USF3: variants seen among roughly 807,000 people sequenced by gnomAD.
USF3 encodes upstream transcription factor family member 3, also known as basic helix-loop-helix domain-containing protein USF3.
USF3 carries 29 observed loss-of-function variants against 157.5 expected under a neutral mutation model. The ratio of observed to expected loss-of-function variants is 0.18; its 90% CI spans 0.14 to 0.25. The LOEUF (loss-of-function observed/expected upper bound fraction) is 0.25, where lower values mean the gene tolerates loss of function less well. USF3 is among the 10% of genes least tolerant of loss of function. USF3 has a pLI of 1.00. For missense variants in USF3, 2,381 were observed against 2,667.6 expected, an observed-to-expected ratio of 0.89 and a Z score of 2.37; for synonymous variants, 893 against 941.4, an observed-to-expected ratio of 0.95 and a Z score of 0.94.
intron 1 of USF3, among the ~76,000 whole-genome samples, chr3:113,681,007 C>T (rs912739860): frequency 3.9e-5 from 6 of 152,038 alleles, no homozygotes; most frequent in African/African-American, 7.2e-5. Context: ...GATAGACTCT[C>T]ACTCTGTCAC....
intron 1 of USF3, among the ~76,000 whole-genome samples, chr3:113,694,094 A>G (rs1707750207): frequency 2.0e-5 from 3 of 152,270 alleles, no homozygotes; most frequent in Admixed American, 1.3e-4. Flanking sequence ...TGGCCTGGGC[A>G]TTAAAACTTA....
chr3:113,670,324 CGTGA>C lies in USF3; in HGVS notation c.77-125_77-122del, dbSNP rs1285744654. 1.5e-5 allele frequency: 10 copies of C among 676,094 alleles called. No individual in the cohort carries two copies. In the African/African-American group the frequency reaches 1.8e-4, roughly 12 times the overall value. The allele number at this position is 676,094 out of a possible 1,614,324, so 41.9% of individuals were successfully genotyped here. A position where few individuals can be genotyped will look rare whatever the true frequency, so the allele number is the denominator to read the frequency against. ...TAAGAAATGCTTATCAATGGCCAGG[CGTGA>C]TGGTTCACACCTGCAAACCCAGCAT... On this transcript the variant is annotated intron_variant, in intron 4 of 6. Coordinates refer to ENST00000316407, the MANE Select transcript of USF3 (RefSeq NM_001009899.4).
chr3:113,686,362 G>A (rs1427122189), intron 1 of USF3, among the ~76,000 whole-genome samples: 1 of 152,188 alleles, frequency 6.6e-6, no homozygotes, highest in Non-Finnish European at 1.5e-5. Context: ...AGGGGGGAAG[G>A]GTGGTGTAGG....
At position 113,673,371 on chromosome 3, in the gene USF3, T is replaced by C; in HGVS notation, c.53A>G (p.Lys18Arg). ...ACCTGCATTGTGTGTCTCCCGGTTT[T>C]TCTTTCTGAAACAAAAAGTACAGAT... ...ETPTKKQHRK[K>R]NRETHNAVER... Residue 18 changes from lysine to arginine, a missense_variant, in exon 4 of 7, where the codon AAA (lysine) becomes AGA (arginine). Around this residue, in one of 6 missense-constraint regions of USF3, gnomAD observed 105 missense variants for 158.6 expected, o/e 0.66. Transcript: ENST00000316407. 6.2e-7 allele frequency: 1 copy of C among 1,600,136 alleles called. No homozygotes were observed. The highest frequency in any genetic ancestry group is 8.6e-7 in the Non-Finnish European group (1 of 1,169,396).
At chr3:113,678,976 G>C (rs1707346004) in intron 1 of USF3, among the ~76,000 whole-genome samples, 1 of 151,534 alleles carries the variant, frequency 6.6e-6, no homozygotes, top group Non-Finnish European at 1.5e-5. Context: ...CTCTGTCTTA[G>C]AGATGGGATC....
Position 113,658,635 on chromosome 3 carries a change from T to C in USF3, c.3047A>G (p.Asn1016Ser). The C allele has an allele frequency of 2.8e-6, 3 of 1,085,368 alleles. No individual in the cohort carries two copies. Among genetic ancestry groups the C allele is most frequent in the Admixed American group, 2.2e-5 (1 of 46,292 alleles). 67.2% of individuals were successfully genotyped at this position (1,085,368 alleles called of 1,614,324 possible). Residue 1016 changes from asparagine (N) to serine (S), a missense_variant, in exon 7 of 7, where the codon AAC (asparagine) becomes AGC (serine). Around this residue, in one of 6 missense-constraint regions of USF3, gnomAD observed 1,435 missense variants for 1,550.9 expected, o/e 0.93. Coordinates refer to ENST00000316407, the MANE Select transcript of USF3 (RefSeq NM_001009899.4). ...TLLSDLAKKK[N>S]PQKSSLSDQM... is the part of the protein sequence containing the mutation. ...ATCAGAAAGAGATGATTTCTGAGGG[T>C]TTTTTTTTTTAGCAAGATCAGATAG...
intron 5 of USF3, among the ~76,000 whole-genome samples, chr3:113,665,659 C>T (rs1309939691): frequency 6.6e-6 from 1 of 151,652 alleles, no homozygotes; most frequent in African/African-American, 2.4e-5. Flanking sequence ...AATCCCGTCT[C>T]TATCAAAATT....
At chr3:113,693,565 G>A (rs541727085) in intron 1 of USF3, among the ~76,000 whole-genome samples, 134 of 152,284 alleles carry the variant, frequency 8.8e-4, no homozygotes, top group African/African-American at 3.1e-3. Flanking sequence ...TATGGTTGCA[G>A]GAAGAGTCAG....
At position 113,654,153 on chromosome 3, in the gene USF3, T is replaced by G. The variant is rs1449666447; in HGVS notation, c.*791A>C. 2 of 152,680 alleles carry G rather than the reference T, an allele frequency of 1.3e-5. No homozygotes were observed. Among genetic ancestry groups the G allele is most frequent in the East Asian group, 1.9e-4 (1 of 5,202 alleles). 9.5% of individuals were successfully genotyped at this position (152,680 alleles called of 1,614,324 possible). ...TGCAAAACTCCACAATACAACTAAC[T>G]GCTTTTACCCTTATGACCCGATGCA... On this transcript the variant is annotated 3_prime_UTR_variant, in exon 7 of 7. Transcript: ENST00000316407.
rs776122145 is a variant in USF3, at chr3:113,657,294, TGC to T, written c.4386_4387del (p.Gln1463AlafsTer45). 2 of 1,486,102 alleles carry T rather than the reference TGC, an allele frequency of 1.3e-6. No homozygotes were observed. Among genetic ancestry groups the T allele is most frequent in the Admixed American group, 1.8e-5 (1 of 54,538 alleles). The allele number at this position is 1,486,102 out of a possible 1,614,324, so 92.1% of individuals were successfully genotyped here. On this transcript the variant is annotated frameshift_variant, in exon 7 of 7. Transcript: ENST00000316407. LOFTEE classifies it high-confidence loss of function. ...CTGCTGCTGCTGCTGCTGCTGCTGC[TGC>T]TGCTTTATGTAGAGATGGTTACTAT...
rs1947427105 is a variant in USF3, at chr3:113,659,071, T to C, written c.2611A>G (p.Ser871Gly). ...VSASHSLGVL[S>G]SESLIPESVS... ...GACTCAGGTATTAATGATTCAGAGC[T>C]TAGAACACCCAAAGAATGTGAAGCA... Residue 871 changes from serine to glycine, a missense_variant, in exon 7 of 7, where the codon AGC (serine) becomes GGC (glycine). Physicochemically the swap from Ser to Gly is moderately conservative, Grantham distance 56 (BLOSUM62 0). Transcript: ENST00000316407. The C allele has an allele frequency of 1.2e-6, 2 of 1,614,014 alleles. No individual in the cohort carries two copies. The highest frequency in any genetic ancestry group is 2.2e-5 in the South Asian group (2 of 91,084).
intron 1 of USF3, among the ~76,000 whole-genome samples, chr3:113,692,760 T>C (rs1295132962): frequency 1.3e-5 from 2 of 152,234 alleles, no homozygotes; most frequent in Non-Finnish European, 2.9e-5. Context: ...CATGTCCTAC[T>C]GATCTAATTA....
intron 3 of USF3, among the ~76,000 whole-genome samples, chr3:113,674,563 G>A (rs146062523): frequency 0.014 from 2,184 of 152,186 alleles, 54 homozygotes; most frequent in African/African-American, 0.05. Context: ...GGCTGGTCTT[G>A]AACTCCTGAC....
chr3:113,684,236 G>A (rs992915193), intron 1 of USF3, among the ~76,000 whole-genome samples: 18 of 152,226 alleles, frequency 1.2e-4, no homozygotes, highest in Admixed American at 5.9e-4. Context: ...TATTGGAAAT[G>A]CTTTATATCT....
chr3:113,671,157 A>G (rs1388533142), intron 4 of USF3, among the ~76,000 whole-genome samples: 1 of 152,248 alleles, frequency 6.6e-6, no homozygotes, highest in Non-Finnish European at 1.5e-5. Flanking sequence ...TCAAGTAATC[A>G]CTAGAGATTT....
At chr3:113,687,337 C>A (rs1295818345) in intron 1 of USF3, among the ~76,000 whole-genome samples, 2 of 151,944 alleles carry the variant, frequency 1.3e-5, no homozygotes, top group Non-Finnish European at 2.9e-5. Context: ...TTCCCCTGCC[C>A]CACTCTTAGA....
At chr3:113,683,148 G>A (rs1707472792) in intron 1 of USF3, among the ~76,000 whole-genome samples, 1 of 151,484 alleles carries the variant, frequency 6.6e-6, no homozygotes, top group Non-Finnish European at 1.5e-5. Context: ...TTACCATGAG[G>A]CTTGCAAATA....
intron 1 of USF3, among the ~76,000 whole-genome samples, chr3:113,681,693 C>T (rs1195848138): frequency 6.7e-6 from 1 of 150,126 alleles, no homozygotes; most frequent in African/African-American, 2.5e-5. Context: ...AGCCACCACA[C>T]CCAGCAATAT....
intron 1 of USF3, among the ~76,000 whole-genome samples, chr3:113,693,877 G>A (rs966575157): frequency 1.3e-5 from 2 of 152,202 alleles, no homozygotes; most frequent in Non-Finnish European, 2.9e-5. Context: ...CAACGTCAAC[G>A]TCTGTAGCAA....
Sources: allele counts gnomAD v4.1 joint callset (sites outside exome capture counted in the v4.1 genomes callset), GRCh38; gene constraint gnomAD v4.1.1; regional missense constraint gnomAD v4.1.1; transcripts MANE v1.5; gene names NCBI Gene and HGNC (gene_info 2026-07-23, HGNC 2026-07-21).